Variants in SPINK6 observed in about 807,000 individuals in gnomAD.
SPINK6 encodes the protein serine peptidase inhibitor Kazal type 6.
SPINK6 carries 13 observed loss-of-function variants against 11.7 expected under a neutral mutation model. That is an observed-to-expected ratio of 1.11 (90% confidence interval 0.72 to 1.76). SPINK6 has a LOEUF of 1.76. Ranked by LOEUF, SPINK6 falls within the 40% of genes most tolerant of loss-of-function variation. The probability of loss-of-function intolerance (pLI) is 0.00; values close to 1 mark genes in which losing one functional copy is unlikely to be tolerated. For synonymous variants in SPINK6, 21 were observed against 31.9 expected (o/e 0.66, Z 1.15); for missense variants, 98 against 93.7 (o/e 1.05, Z -0.19).
intron 1 of SPINK6, among the ~76,000 whole-genome samples, chr5:148,205,677 T>C (rs1314557397): frequency 6.6e-6 from 1 of 152,172 alleles, no homozygotes; most frequent in Non-Finnish European, 1.5e-5. Flanking sequence ...TACTTTCCAA[T>C]TCAACTTCTC....
intron 3 of SPINK6, 94 bp downstream of exon 3, chr5:148,214,119 T>C (rs775631817): frequency 3.6e-5 from 24 of 669,046 alleles, no homozygotes; most frequent in Non-Finnish European, 5.8e-5. Flanking sequence ...AAAACACCCA[T>C]ACCTCCCCAT....
At chr5:148,205,447 T>C (rs1159950956) in intron 1 of SPINK6, among the ~76,000 whole-genome samples, 1 of 152,192 alleles carries the variant, frequency 6.6e-6, no homozygotes, top group Non-Finnish European at 1.5e-5. Flanking sequence ...TATGGGATCT[T>C]TTCCCTTTTT....
intron 2 of SPINK6, among the ~76,000 whole-genome samples, chr5:148,212,547 TTTATATA>T (rs1443612909): frequency 1.2e-4 from 6 of 49,690 alleles, no homozygotes; most frequent in East Asian, 4.8e-4. Flanking sequence ...TAAGTATATA[TTTATATA>T]TTTATATAAT....
At chr5:148,214,797 A>T in intron 3 of SPINK6, 108 bp from the exon 4 acceptor site, 1 of 824,578 alleles carries the variant, frequency 1.2e-6, no homozygotes. Flanking sequence ...TGGAATTTAT[A>T]GAATCAAATA....
At position 148,203,128 on chromosome 5, in the gene SPINK6, C is replaced by A. The variant is rs139896734; in HGVS notation, c.32C>A (p.Ser11Tyr). 261 of 1,612,660 alleles carry A rather than the reference C, an allele frequency of 1.6e-4. No individual in the cohort carries two copies. In the African/African-American group the frequency reaches 3.2e-3, roughly 20 times the overall value. ...CTGTCAGGCATGTTTCTGCTCCTCTCTCTGGCTCTTTTCTGCTTTTTAACA... is the reference window on the plus strand; with the variant it reads ...CTGTCAGGCATGTTTCTGCTCCTCTATCTGGCTCTTTTCTGCTTTTTAACA... MKLSGMFLLL[S>Y]LALFCFLTGV... is the part of the protein sequence containing the mutation. The change falls in exon 1 of 4, where the codon TCT becomes TAT. Residue 11 changes from serine (S) to tyrosine (Y), a missense_variant. By Grantham distance (144) the Ser-to-Tyr change is moderately radical (BLOSUM62 -2). Coordinates refer to ENST00000325630, the MANE Select transcript of SPINK6 (RefSeq NM_205841.4).
intron 2 of SPINK6, among the ~76,000 whole-genome samples, chr5:148,211,617 G>A (rs563568875): frequency 3.3e-5 from 5 of 152,196 alleles, no homozygotes; most frequent in East Asian, 3.9e-4. Context: ...TGCAGGCATC[G>A]AGTCCGTTGT....
intron 2 of SPINK6, among the ~76,000 whole-genome samples, chr5:148,211,947 A>C (rs1755604136): frequency 6.6e-6 from 1 of 152,156 alleles, no homozygotes; most frequent in Non-Finnish European, 1.5e-5. Context: ...TTTTAGACAG[A>C]GAGAAAGCAA....
At chr5:148,213,670 C>T (rs908452523) in intron 2 of SPINK6, among the ~76,000 whole-genome samples, 10 of 152,128 alleles carry the variant, frequency 6.6e-5, no homozygotes, top group Admixed American at 6.5e-4. Flanking sequence ...TGAATACAAT[C>T]TGTATTCCTT....
intron 2 of SPINK6, among the ~76,000 whole-genome samples, chr5:148,209,997 C>CGTACGTAA (rs1489201046): frequency 1.4e-5 from 2 of 145,992 alleles, no homozygotes; most frequent in East Asian, 2.1e-4. Context: ...TACATATACA[C>CGTACGTAA]GTATGTATAC....
At chr5:148,210,564 T>A (rs1277517930) in intron 2 of SPINK6, among the ~76,000 whole-genome samples, 1 of 151,678 alleles carries the variant, frequency 6.6e-6, no homozygotes, top group Non-Finnish European at 1.5e-5. Flanking sequence ...ATTCTGGGAT[T>A]TTTCAGTACC....
At chr5:148,209,033 T>C (rs565145490) in intron 2 of SPINK6, among the ~76,000 whole-genome samples, 1 of 152,346 alleles carries the variant, frequency 6.6e-6, no homozygotes, top group South Asian at 2.1e-4. Flanking sequence ...AATACTTAAG[T>C]TTATTTTTGC....
chr5:148,203,310 T>C (rs1183675074), intron 1 of SPINK6, among the ~76,000 whole-genome samples, 156 bp downstream of exon 1: 1 of 152,106 alleles, frequency 6.6e-6, no homozygotes, highest in Non-Finnish European at 1.5e-5. Flanking sequence ...ACGACAATGG[T>C]TATGGTAATA....
intron 2 of SPINK6, among the ~76,000 whole-genome samples, chr5:148,208,055 G>A (rs760931693): frequency 2.8e-4 from 43 of 152,156 alleles, no homozygotes; most frequent in South Asian, 4.1e-4. Flanking sequence ...ACTGTATTGG[G>A]AAGCATTGGC....
At chr5:148,214,148 C>A in intron 3 of SPINK6, 123 bp downstream of exon 3, 1 of 498,802 alleles carries the variant, frequency 2.0e-6, no homozygotes, top group South Asian at 4.0e-5. Flanking sequence ...AAGAAACAAG[C>A]TTCAGGCAAT....
Position 148,213,988 on chromosome 5 carries a change from A to G in SPINK6, c.160A>G (p.Thr54Ala), listed in dbSNP as rs1755649529. The change falls in exon 3 of 4, where the codon ACA (threonine) becomes GCA (alanine). Residue 54 changes from threonine to alanine, a missense_variant. By Grantham distance (58) the Thr-to-Ala change is moderately conservative. Transcript: ENST00000325630. ...CCCACACTGTGGCTCTGATGGCCAG[A>G]CATATGGCAATAAATGTGCCTTCTG... The part of the protein sequence containing the change: ...SNPHCGSDGQ[T>A]YGNKCAFCKA... 5.6e-6 allele frequency: 9 copies of G among 1,613,478 alleles called. No homozygotes were observed. In the South Asian group the frequency reaches 9.9e-5, roughly 18 times the overall value.
intron 2 of SPINK6, among the ~76,000 whole-genome samples, chr5:148,212,649 TATATATATTTATATATTTATATA>T (rs1755624417): frequency 2.0e-5 from 2 of 101,206 alleles, no homozygotes; most frequent in Admixed American, 1.3e-4. Flanking sequence ...ATAATATAAA[TATATATATTTATATATTTATATA>T]ATATATATTT....
At chr5:148,209,792 T>C (rs1300343941) in intron 2 of SPINK6, among the ~76,000 whole-genome samples, 1 of 151,786 alleles carries the variant, frequency 6.6e-6, no homozygotes, top group African/African-American at 2.4e-5. Context: ...AATGTTTCCA[T>C]CTGAGGGAGG....
chr5:148,204,055 G>T (rs1183989588), intron 1 of SPINK6, among the ~76,000 whole-genome samples: 1 of 151,838 alleles, frequency 6.6e-6, no homozygotes, highest in Non-Finnish European at 1.5e-5. Flanking sequence ...TAAGCCCTGG[G>T]ACCTTCCATA....
intron 3 of SPINK6, among the ~76,000 whole-genome samples, chr5:148,214,559 T>A (rs1755657182): frequency 6.6e-6 from 1 of 152,230 alleles, no homozygotes; most frequent in Non-Finnish European, 1.5e-5. Flanking sequence ...TGTTTCAACT[T>A]CTTACATCTT....
Sources: gnomAD v4.1 joint callset for allele counts (sites outside exome capture counted in the v4.1 genomes callset) on GRCh38, gnomAD v4.1.1 for gene constraint, MANE v1.5 for transcripts, NCBI Gene and HGNC (gene_info 2026-07-23, HGNC 2026-07-21) for gene names.